Variants in SCARB1 observed in about 807,000 individuals in gnomAD.
The protein encoded by SCARB1 is scavenger receptor class B member 1.
A neutral mutation model predicts 57.2 loss-of-function variants in SCARB1; 30 were observed. The ratio of observed to expected loss-of-function variants is 0.52; its 90% confidence interval spans 0.39 to 0.71. The LOEUF (loss-of-function observed/expected upper bound fraction) is 0.71. Ranked by LOEUF, SCARB1 falls within the 30% of genes least tolerant of loss-of-function variation. The probability of loss-of-function intolerance (pLI) is 0.00; values close to 1 mark genes in which losing one functional copy is unlikely to be tolerated. For missense variants in SCARB1, 543 were observed against 671.2 expected (o/e 0.81, Z 2.11); for synonymous variants, 249 against 268.3 (o/e 0.93, Z 0.70).
At chr12:124,830,686 C>T (rs1179791393) in intron 1 of SCARB1, among the ~76,000 whole-genome samples, 1 of 152,048 alleles carries the variant, frequency 6.6e-6, no homozygotes, top group Admixed American at 6.5e-5. Context: ...GGCGTTTACA[C>T]TTGGTATAGG....
At chr12:124,847,754 A>T (rs1177621189) in intron 1 of SCARB1, among the ~76,000 whole-genome samples, 1 of 152,184 alleles carries the variant, frequency 6.6e-6, no homozygotes, top group African/African-American at 2.4e-5. Context: ...TCAACCCAAG[A>T]GGTTCAGACT....
intron 1 of SCARB1, among the ~76,000 whole-genome samples, chr12:124,830,746 C>T (rs181893766): frequency 2.6e-5 from 4 of 152,070 alleles, no homozygotes; most frequent in East Asian, 1.9e-4. Flanking sequence ...AACCTCTAAC[C>T]GAAATTGTGC....
At chr12:124,785,846 C>T (rs541219721) in intron 11 of SCARB1, 251 of 526,076 alleles carry the variant, frequency 4.8e-4, no homozygotes, top group Non-Finnish European at 7.3e-4. Flanking sequence ...AAACCTCACA[C>T]GTGGCTCACG....
At chr12:124,862,964 C>T (rs911724654) in intron 1 of SCARB1, among the ~76,000 whole-genome samples, 2 of 152,204 alleles carry the variant, frequency 1.3e-5, no homozygotes, top group African/African-American at 4.8e-5. Context: ...GGGAGAAAAG[C>T]GGCTTATAGT....
intron 1 of SCARB1, among the ~76,000 whole-genome samples, chr12:124,856,009 G>A (rs1952607570): frequency 6.6e-6 from 1 of 152,254 alleles, no homozygotes; most frequent in South Asian, 2.1e-4. Context: ...ATTCCAGGTG[G>A]CTGAGCTTCG....
At chr12:124,798,352 A>C (rs1242183502) in intron 8 of SCARB1, among the ~76,000 whole-genome samples, 2 of 152,052 alleles carry the variant, frequency 1.3e-5, no homozygotes, top group African/African-American at 4.8e-5. Flanking sequence ...CAGAGGTTGC[A>C]GGGAGCCACG....
intron 1 of SCARB1, among the ~76,000 whole-genome samples, chr12:124,841,407 G>A (rs1259810292): frequency 2.7e-5 from 4 of 150,560 alleles, no homozygotes; most frequent in Admixed American, 6.6e-5. Context: ...GCTTGAACTC[G>A]GGAGGCGGAG....
At chr12:124,827,295 T>C (rs984953993) in intron 1 of SCARB1, among the ~76,000 whole-genome samples, 2 of 152,164 alleles carry the variant, frequency 1.3e-5, no homozygotes, top group African/African-American at 4.8e-5. Flanking sequence ...ATCGAGTAAG[T>C]GTGAGGAACG....
intron 12 of SCARB1, among the ~76,000 whole-genome samples, chr12:124,781,120 TCCCAGATGGACAGGAAGGGCGC>T (rs1175459198): frequency 6.6e-6 from 1 of 152,100 alleles, no homozygotes; most frequent in African/African-American, 2.4e-5. Flanking sequence ...CACCCCCTAC[TCCCAGATGGACAGGAAGGGCGC>T]CCCAGAGCTT....
chr12:124,848,742 C>T (rs892139615), intron 1 of SCARB1, among the ~76,000 whole-genome samples: 3 of 152,228 alleles, frequency 2.0e-5, no homozygotes, highest in Admixed American at 6.5e-5. Context: ...ACATCCGCAC[C>T]GTGGAGCGTT....
rs1198907959 is a variant in SCARB1 at position 124,817,667 on chromosome 12, C to T, written c.167G>A (p.Trp56Ter). 1.3e-5 allele frequency: 21 copies of T among 1,613,712 alleles called. No homozygotes were observed. The highest frequency in any genetic ancestry group is 1.8e-5 in the Non-Finnish European group (21 of 1,179,578). ...IDPSSLSFNM[W>*]KEIPIPFYLS... Reference sequence around the variant, plus strand: ...ATAGAAGGGGATAGGGATCTCCTTCCACATGTTGAAGGACAGGCTACTGGG... The same window carrying T: ...ATAGAAGGGGATAGGGATCTCCTTCTACATGTTGAAGGACAGGCTACTGGG... Residue 56 changes from tryptophan (W) to a stop codon, truncating the protein, a stop_gained, in exon 2 of 13, where the codon TGG (tryptophan) becomes TAG (stop). Transcript: ENST00000261693. LOFTEE classifies it high-confidence loss of function. The surrounding 1 kb of genome is among the most constrained non-coding windows in gnomAD (Gnocchi z 4.8).
At chr12:124,825,918 G>A (rs962103172) in intron 1 of SCARB1, among the ~76,000 whole-genome samples, 11 of 152,136 alleles carry the variant, frequency 7.2e-5, no homozygotes, top group Admixed American at 2.6e-4. Flanking sequence ...GTGGGGAGAT[G>A]CAGGTCACAG....
intron 1 of SCARB1, 137 bp downstream of exon 1, chr12:124,863,458 C>G (rs897972582): frequency 1.2e-6 from 1 of 867,010 alleles, no homozygotes; most frequent in Non-Finnish European, 1.7e-6. Flanking sequence ...CCTGGCCTCC[C>G]TCGTGCTCTG....
chr12:124,848,507 A>C (rs1211478399), intron 1 of SCARB1, among the ~76,000 whole-genome samples: 1 of 152,254 alleles, frequency 6.6e-6, no homozygotes, highest in Non-Finnish European at 1.5e-5. Flanking sequence ...GCCGTGGTCC[A>C]CGGCCATGGA....
At position 124,778,267 on chromosome 12, in the gene SCARB1, A is replaced by G; in HGVS notation, c.*320T>C. The G allele has an allele frequency of 2.3e-6, 1 of 440,012 alleles. No homozygotes were observed. Among genetic ancestry groups the G allele is most frequent in the Non-Finnish European group, 3.8e-6 (1 of 265,508 alleles). The allele number at this position is 440,012 out of a possible 1,614,324, so 27.3% of individuals were successfully genotyped here. A position where few individuals can be genotyped will look rare whatever the true frequency, so the allele number is the denominator to read the frequency against. The stretch of plus-strand genomic sequence containing the variant: ...CAGGCTCACCCGAGGAAGGGGACGC[A>G]GGACCCACAGCCCCTGTGGTCAGGC... On this transcript the variant is annotated 3_prime_UTR_variant, in exon 13 of 13. Transcript: ENST00000261693.
At chr12:124,792,800 C>G (rs554351530) in intron 9 of SCARB1, among the ~76,000 whole-genome samples, 1 of 148,700 alleles carries the variant, frequency 6.7e-6, no homozygotes, top group East Asian at 2.0e-4. Flanking sequence ...TGTTAAAATT[C>G]AGATTTGGAA....
rs1202537481 is a variant in SCARB1, at chr12:124,814,602, C to T, written c.427-197G>A. 3.3e-5 allele frequency among the ~76,000 whole-genome samples: 5 copies of T among 152,156 alleles called. No homozygotes were observed. The highest frequency in any genetic ancestry group is 6.5e-5 in the Admixed American group (1 of 15,278). On this transcript the variant is annotated intron_variant, in intron 3 of 12. Coordinates refer to ENST00000261693, the MANE Select transcript of SCARB1 (RefSeq NM_005505.5). This position sits in a 1 kb window ranked among gnomAD's most constrained non-coding sequence, Gnocchi z 4.7. ...CCAGTGCCAAGGCCACATGTGCTCC[C>T]GAGAACCCCTTCTCCCCCTTGCACC...
chr12:124,783,129 G>T, intron 11 of SCARB1: 1 of 338,668 alleles, frequency 3.0e-6, no homozygotes, highest in Non-Finnish European at 5.5e-6. Flanking sequence ...GGACTTAGCT[G>T]GGGGGCTGTT....
At chr12:124,824,165 G>T (rs1238431308) in intron 1 of SCARB1, among the ~76,000 whole-genome samples, 2 of 105,324 alleles carry the variant, frequency 1.9e-5, no homozygotes, top group East Asian at 2.3e-4. Context: ...AACAGACCGA[G>T]ATTTCATCTC....
Sources: gnomAD v4.1 joint callset for allele counts (sites outside exome capture counted in the v4.1 genomes callset) on GRCh38, gnomAD v4.1.1 for gene constraint, Gnocchi (gnomAD v3.1) non-coding constraint, MANE v1.5 for transcripts, NCBI Gene and HGNC (gene_info 2026-07-23, HGNC 2026-07-21) for gene names.